ZDHHC21: variants seen among roughly 807,000 people sequenced by gnomAD.
ZDHHC21 encodes the protein zDHHC palmitoyltransferase 21, also known as palmitoyltransferase ZDHHC21.
A neutral mutation model predicts 34.6 loss-of-function variants in ZDHHC21; 15 were observed. The ratio of observed to expected loss-of-function variants is 0.43; its 90% CI spans 0.29 to 0.67. ZDHHC21 has a LOEUF of 0.67. ZDHHC21 is among the 30% of genes least tolerant of loss of function. The pLI is 0.14. For synonymous variants in ZDHHC21, 142 were observed against 101.8 expected, an observed-to-expected ratio of 1.40 and a Z score of -2.38; for missense variants, 344 against 327.7, an observed-to-expected ratio of 1.05 and a Z score of -0.38.
chr9:14,660,641 A>G (rs527246754), intron 6 of ZDHHC21, among the ~76,000 whole-genome samples: 1 of 152,260 alleles, frequency 6.6e-6, no homozygotes, highest in East Asian at 1.9e-4. Flanking sequence ...CTGATCCTCC[A>G]ATCCTTTGTA....
At chr9:14,634,725 A>T (rs1438612791) in intron 8 of ZDHHC21, among the ~76,000 whole-genome samples, 2 of 152,338 alleles carry the variant, frequency 1.3e-5, no homozygotes, top group East Asian at 3.9e-4. Flanking sequence ...AAATTCAAAA[A>T]ATTGGAAAAA....
chr9:14,601,852 T>C, the ZDHHC21 span, among the ~76,000 whole-genome samples: 6 of 152,104 alleles, frequency 3.9e-5, no homozygotes, highest in Non-Finnish European at 8.8e-5. Flanking sequence ...TGCAGGGACA[T>C]GGATGAAGCT....
intron 7 of ZDHHC21, among the ~76,000 whole-genome samples, chr9:14,654,369 T>C (rs546341398): frequency 6.8e-6 from 1 of 147,412 alleles, no homozygotes; most frequent in African/African-American, 2.5e-5. Flanking sequence ...CCTGATTGGA[T>C]AAAAATGAGG....
chr9:14,606,823 T>C (rs1192570478), downstream of ZDHHC21, among the ~76,000 whole-genome samples: 1 of 151,902 alleles, frequency 6.6e-6, no homozygotes, highest in Non-Finnish European at 1.5e-5. Context: ...TCAAAAACCA[T>C]AAACAAAGAA....
intron 9 of ZDHHC21, among the ~76,000 whole-genome samples, chr9:14,619,348 T>C (rs915353632): frequency 6.6e-6 from 1 of 152,150 alleles, no homozygotes; most frequent in Non-Finnish European, 1.5e-5. Context: ...ATTAACAGAA[T>C]GTGTGTCAAC....
intron 8 of ZDHHC21, among the ~76,000 whole-genome samples, chr9:14,625,418 T>C (rs985940414): frequency 6.6e-6 from 1 of 152,034 alleles, no homozygotes; most frequent in Non-Finnish European, 1.5e-5. Flanking sequence ...CTTATATTTA[T>C]AGACACTGAA....
At chr9:14,663,643 T>C (rs558132536) in intron 5 of ZDHHC21, among the ~76,000 whole-genome samples, 3 of 152,184 alleles carry the variant, frequency 2.0e-5, no homozygotes, top group Admixed American at 1.3e-4. Flanking sequence ...TAGTAAAGCG[T>C]TGGGAAAATA....
chr9:14,672,708 G>T lies in ZDHHC21; in HGVS notation c.253+122C>A, dbSNP rs193258216. On this transcript the variant is annotated intron_variant, in intron 5 of 9. Coordinates refer to ENST00000380916, the MANE Select transcript of ZDHHC21 (RefSeq NM_178566.6). ...AGAAGTTTGGAAAAGACACATACAA[G>T]CAAAGACATCAAAGTGGTGTTAGAT... 4.4e-5 allele frequency: 28 copies of T among 640,236 alleles called. 1 individual carries two copies. Among genetic ancestry groups the T allele is most frequent in the Admixed American group, 3.0e-4 (10 of 33,166 alleles). The allele number at this position is 640,236 out of a possible 1,614,324, so 39.7% of individuals were successfully genotyped here.
chr9:14,664,691 C>A (rs952447309), intron 5 of ZDHHC21, among the ~76,000 whole-genome samples: 2 of 151,890 alleles, frequency 1.3e-5, no homozygotes, highest in East Asian at 1.9e-4. Context: ...AAGTGGGTCC[C>A]TGACCCCCAA....
chr9:14,643,829 G>A (rs1008899862), intron 7 of ZDHHC21, among the ~76,000 whole-genome samples: 2 of 152,166 alleles, frequency 1.3e-5, no homozygotes, highest in East Asian at 1.9e-4. Context: ...ATCCATACAT[G>A]CATGGGCTCT....
At chr9:14,608,389 A>G (rs1407124555), downstream of ZDHHC21, among the ~76,000 whole-genome samples, 2 of 152,178 alleles carry the variant, frequency 1.3e-5, no homozygotes, top group African/African-American at 4.8e-5. Context: ...CCATGCTACA[A>G]TTAAACTTAC....
At chr9:14,599,535 C>T in the ZDHHC21 span, among the ~76,000 whole-genome samples, 1 of 152,000 alleles carries the variant, frequency 6.6e-6, no homozygotes, top group Non-Finnish European at 1.5e-5. Flanking sequence ...TGGGCAGACA[C>T]TGAGCTAGCT....
rs777772846 is a variant in ZDHHC21 at position 14,614,417 on chromosome 9, A to C, written c.*4549T>G. 8.6e-5 allele frequency: 13 copies of C among 151,794 alleles called. No individual in the cohort carries two copies. Among genetic ancestry groups the C allele is most frequent in the Non-Finnish European group, 1.9e-4 (13 of 67,746 alleles). 9.4% of individuals were successfully genotyped at this position (151,794 alleles called of 1,614,324 possible). A position where few individuals can be genotyped will look rare whatever the true frequency, so the allele number is the denominator to read the frequency against. ...TGCTAAAAATTGCACAATGATAATA[A>C]AAGAAGTCAGAAAAGTCACTTTCCT... On this transcript the variant is annotated 3_prime_UTR_variant, in exon 10 of 10. Transcript: ENST00000380916.
chr9:14,692,532 C>T, intron 1 of ZDHHC21, among the ~76,000 whole-genome samples: 1 of 152,170 alleles, frequency 6.6e-6, no homozygotes, highest in Non-Finnish European at 1.5e-5. Context: ...CCTGGTGATA[C>T]AGACATCCAC....
At chr9:14,623,048 T>A in intron 8 of ZDHHC21, among the ~76,000 whole-genome samples, 1 of 152,020 alleles carries the variant, frequency 6.6e-6, no homozygotes, top group East Asian at 1.9e-4. Flanking sequence ...AACTTCAATG[T>A]TAAGACCTGA....
rs140588025 is a variant in ZDHHC21, at chr9:14,679,282, C to T, written c.-46+751G>A. 7.9e-5 allele frequency among the ~76,000 whole-genome samples: 12 copies of T among 152,200 alleles called. No homozygotes were observed. In the East Asian group the frequency reaches 2.3e-3, roughly 29 times the overall value. The stretch of plus-strand genomic sequence containing the variant: ...ATTAATAACATAGTGGACAGAAAGA[C>T]AGATGAGTATGTGCTGAAATTTGTT... On this transcript the variant is annotated intron_variant, in intron 3 of 9. Coordinates refer to ENST00000380916, the MANE Select transcript of ZDHHC21 (RefSeq NM_178566.6).
chr9:14,619,185 A>G, intron 9 of ZDHHC21, 87 bp from the exon 10 acceptor site: 1 of 1,366,920 alleles, frequency 7.3e-7, no homozygotes, highest in East Asian at 2.5e-5. Flanking sequence ...CTGGGGATCC[A>G]TTACTGGACT....
At chr9:14,679,272 G>C (rs556140503) in intron 3 of ZDHHC21, among the ~76,000 whole-genome samples, 12 of 152,232 alleles carry the variant, frequency 7.9e-5, no homozygotes, top group African/African-American at 2.9e-4. Flanking sequence ...TAACATAGTG[G>C]ACAGAAAGAC....
rs758720521 is a variant in ZDHHC21, at chr9:14,672,879, G to A, written c.204C>T (p.Ser68=). 1.2e-6 allele frequency: 2 copies of A among 1,608,568 alleles called. No homozygotes were observed. The highest frequency in any genetic ancestry group is 8.5e-7 in the Non-Finnish European group (1 of 1,176,428). Residue 68 remains serine, a synonymous_variant, in exon 5 of 10, where the codon TCC becomes TCT. Coordinates refer to ENST00000380916, the MANE Select transcript of ZDHHC21 (RefSeq NM_178566.6). ...IFCLVALVRA[S]ITDPGRLPEN... ...CAGGGAGTCTTCCTGGATCAGTTATGGAGGCCCTCACTAAGGCAACCAGAC... is the reference window on the plus strand; with the variant it reads ...CAGGGAGTCTTCCTGGATCAGTTATAGAGGCCCTCACTAAGGCAACCAGAC...
Sources: gnomAD v4.1 joint callset for allele counts (sites outside exome capture counted in the v4.1 genomes callset) on GRCh38, gnomAD v4.1.1 for gene constraint, MANE v1.5 for transcripts, NCBI Gene and HGNC (gene_info 2026-07-23, HGNC 2026-07-21) for gene names.